HACL1: variants seen among roughly 807,000 people sequenced by gnomAD.
HACL1 encodes the protein 1600020H07Rik.
A neutral mutation model predicts 74.2 loss-of-function variants in HACL1; 64 were observed. The ratio of observed to expected loss-of-function variants is 0.86; its 90% CI spans 0.70 to 1.06. HACL1 has a LOEUF of 1.06. Among genes scored for constraint, HACL1 ranks in the 50% least tolerant of loss-of-function variants. The probability of loss-of-function intolerance (pLI) is 0.00; values close to 1 mark genes in which losing one functional copy is unlikely to be tolerated. For missense variants in HACL1, 728 were observed against 719.7 expected, an observed-to-expected ratio of 1.01 and a Z score of -0.13; for synonymous variants, 230 against 238.8, an observed-to-expected ratio of 0.96 and a Z score of 0.34.
chr3:15,587,813 T>A (rs1482755177), intron 5 of HACL1, among the ~76,000 whole-genome samples: 1 of 152,216 alleles, frequency 6.6e-6, no homozygotes, highest in Admixed American at 6.5e-5. Context: ...AGTATTTTAG[T>A]TTATCATATA....
chr3:15,569,728 G>A (rs574783898), intron 12 of HACL1, among the ~76,000 whole-genome samples: 6 of 152,170 alleles, frequency 3.9e-5, no homozygotes, highest in East Asian at 1.9e-4. Flanking sequence ...GCTGAGGCAG[G>A]AGAATTGCAT....
At chr3:15,586,149 A>T (rs1278091517) in intron 6 of HACL1, among the ~76,000 whole-genome samples, 1 of 152,184 alleles carries the variant, frequency 6.6e-6, no homozygotes, top group Non-Finnish European at 1.5e-5. Context: ...ATGCTGTATT[A>T]ATTAACTAAC....
In HACL1 at chr3:15,573,173, C is replaced by T. The variant is rs1394551605; in HGVS notation, c.979G>A (p.Ala327Thr). 5.6e-6 allele frequency: 9 copies of T among 1,596,042 alleles called. No individual in the cohort carries two copies. The highest frequency in any genetic ancestry group is 2.7e-5 in the African/African-American group (2 of 74,612). ...AAAGTTCTCACCTGCTTAGTGACAG[C>T]ATGTATGTTTCCTAGCAAAGTAACA... ...PAVTLLGNIH[A>T]VTKQLLEELD... is the part of the protein sequence containing the mutation. The change falls in exon 11 of 17, where the codon GCT becomes ACT. Residue 327 changes from alanine (A) to threonine (T), a missense_variant. Coordinates refer to ENST00000321169, the MANE Select transcript of HACL1 (RefSeq NM_012260.4).
Position 15,560,867 on chromosome 3 carries a change from A to G in HACL1, c.1735T>C (p.Ter579GlnextTer38). The G allele has an allele frequency of 6.2e-7, 1 of 1,602,946 alleles. No individual in the cohort carries two copies. Among genetic ancestry groups the G allele is most frequent in the Non-Finnish European group, 8.5e-7 (1 of 1,172,294 alleles). ...DFHWLTRSNM[*>Q] ...AGACCACCAACTGGCGTCTTTATTT[A>G]CATATTAGAGCGGGTCAGCCAATGA... The change falls in exon 17 of 17, where the codon TAA becomes CAA. Residue 579 changes from the stop codon to glutamine (Q), a stop_lost. Coordinates refer to ENST00000321169, the MANE Select transcript of HACL1 (RefSeq NM_012260.4).
rs201617502 is a variant in HACL1, at chr3:15,591,596, T to C, written c.308+4A>G. On this transcript the variant is annotated splice_donor_region_variant and intron_variant, in intron 4 of 16. Coordinates refer to ENST00000321169, the MANE Select transcript of HACL1 (RefSeq NM_012260.4). Reference sequence around the variant, plus strand: ...AATGTTTTCAGTAATAATAATGTCATTACCAGCAGTTCATGTTTGCATTTG... The same window carrying C: ...AATGTTTTCAGTAATAATAATGTCACTACCAGCAGTTCATGTTTGCATTTG... The C allele has an allele frequency of 1.3e-6, 2 of 1,552,098 alleles. No homozygotes were observed. Among genetic ancestry groups the C allele is most frequent in the Non-Finnish European group, 1.8e-6 (2 of 1,123,678 alleles).
intron 3 of HACL1, among the ~76,000 whole-genome samples, chr3:15,592,241 T>G (rs565667518): frequency 1.3e-5 from 2 of 150,808 alleles, no homozygotes; most frequent in Middle Eastern, 3.6e-3. Flanking sequence ...TATATACGTA[T>G]ACATACGTGT....
At chr3:15,596,849 G>A (rs866844606) in intron 2 of HACL1, among the ~76,000 whole-genome samples, 2 of 151,746 alleles carry the variant, frequency 1.3e-5, no homozygotes, top group South Asian at 4.2e-4. Context: ...CTATTTCATT[G>A]ATTTCTGTTC....
At chr3:15,574,524 AG>A (rs1424931206) in intron 10 of HACL1, among the ~76,000 whole-genome samples, 15 of 152,250 alleles carry the variant, frequency 9.9e-5, no homozygotes, top group African/African-American at 1.7e-4. Context: ...AAGACAGGTC[AG>A]AATACATTCC....
chr3:15,576,983 C>T (rs2063637719), intron 9 of HACL1, among the ~76,000 whole-genome samples: 1 of 152,150 alleles, frequency 6.6e-6, no homozygotes, highest in African/African-American at 2.4e-5. Flanking sequence ...TTTATAGTCC[C>T]TTGTAACCTT....
At chr3:15,580,947 G>C (rs1390294357) in intron 8 of HACL1, among the ~76,000 whole-genome samples, 2 of 152,258 alleles carry the variant, frequency 1.3e-5, no homozygotes, top group East Asian at 3.8e-4. Flanking sequence ...TGTCACCCAG[G>C]CTGGAGCGCA....
At chr3:15,575,218 T>C in intron 9 of HACL1, 136 bp from the exon 10 acceptor site, 1 of 504,238 alleles carries the variant, frequency 2.0e-6, no homozygotes, top group African/African-American at 1.9e-5. Context: ...TAGGGTATAT[T>C]TGATCTTTCA....
chr3:15,565,241 T>C (rs904304352), intron 14 of HACL1, among the ~76,000 whole-genome samples: 2 of 152,176 alleles, frequency 1.3e-5, no homozygotes, highest in Non-Finnish European at 2.9e-5. Context: ...CTTTTCTGAA[T>C]CTGGGTTTTC....
Position 15,601,211 on chromosome 3 carries a change from A to T in HACL1, c.82-17T>A. The T allele has an allele frequency of 6.3e-6, 10 of 1,589,482 alleles. No homozygotes were observed. The highest frequency in any genetic ancestry group is 8.6e-6 in the Non-Finnish European group (10 of 1,157,434). On this transcript the variant is annotated splice_polypyrimidine_tract_variant and intron_variant, in intron 1 of 16. Coordinates refer to ENST00000321169, the MANE Select transcript of HACL1 (RefSeq NM_012260.4). ...CTCCACATCCTGAGGAACGAAGAAC[A>T]GGGGAGTAAACTCCCAAGGCCCCAC...
chr3:15,587,794 C>T (rs1175017100), intron 5 of HACL1, among the ~76,000 whole-genome samples: 1 of 152,112 alleles, frequency 6.6e-6, no homozygotes, highest in African/African-American at 2.4e-5. Flanking sequence ...TTAACTTATA[C>T]TAGAGTTCAG....
intron 3 of HACL1, among the ~76,000 whole-genome samples, chr3:15,591,925 A>G (rs2063906385): frequency 6.6e-6 from 1 of 150,472 alleles, no homozygotes; most frequent in South Asian, 2.1e-4. Context: ...TAGTGTATAT[A>G]TACGTATATA....
rs1021451238 is a variant in HACL1, at chr3:15,583,260, C to G, written c.555-271G>C. Among the ~76,000 whole-genome samples, 10 of 152,312 alleles carry G rather than the reference C, an allele frequency of 6.6e-5. No individual in the cohort carries two copies. In the East Asian group the frequency reaches 1.9e-3, roughly 29 times the overall value. ...CCATGCAGCTGTGAATAAGGACCTTCTCCTATATTCAACTATCACATCATT... is the reference window on the plus strand; with the variant it reads ...CCATGCAGCTGTGAATAAGGACCTTGTCCTATATTCAACTATCACATCATT... On this transcript the variant is annotated intron_variant, in intron 7 of 16. Coordinates refer to ENST00000321169, the MANE Select transcript of HACL1 (RefSeq NM_012260.4).
chr3:15,568,044 T>A, intron 13 of HACL1, 42 bp from the exon 14 acceptor site: 1 of 1,564,244 alleles, frequency 6.4e-7, no homozygotes, highest in Non-Finnish European at 8.8e-7. Flanking sequence ...CTGGGGCATG[T>A]CATAGAGGAT....
In HACL1 at chr3:15,585,342, C is replaced by T. The variant is rs759610770; in HGVS notation, c.460G>A (p.Ala154Thr). The T allele has an allele frequency of 3.3e-6, 5 of 1,537,354 alleles. No individual in the cohort carries two copies. In the South Asian group the frequency reaches 5.6e-5, roughly 17 times the overall value. Residue 154 changes from alanine to threonine, a missense_variant and splice_region_variant, in exon 7 of 17, where the codon GCA becomes ACA. By Grantham distance (58) the Ala-to-Thr change is moderately conservative. Coordinates refer to ENST00000321169, the MANE Select transcript of HACL1 (RefSeq NM_012260.4). Reference sequence around the variant, plus strand: ...CGACCATAGATACTGCTTCTCACTGCCTACGTTCATTACAAGTAGAAGAAA... The same window carrying T: ...CGACCATAGATACTGCTTCTCACTGTCTACGTTCATTACAAGTAGAAGAAA... Reference protein sequence around the residue: ...IEAIPFVIEKAVRSSIYGRPG... With the variant: ...IEAIPFVIEKTVRSSIYGRPG...
At chr3:15,587,956 C>T (rs983053691) in intron 5 of HACL1, among the ~76,000 whole-genome samples, 13 of 151,942 alleles carry the variant, frequency 8.6e-5, no homozygotes, top group East Asian at 1.9e-4. Context: ...TACAGTGGTA[C>T]GATCTCGGCT....
Sources: gnomAD v4.1 joint callset for allele counts (sites outside exome capture counted in the v4.1 genomes callset) on GRCh38, gnomAD v4.1.1 for gene constraint, MANE v1.5 for transcripts, NCBI Gene and HGNC (gene_info 2026-07-23, HGNC 2026-07-21) for gene names.